The following EPDR1 variants were observed in gnomAD, a reference collection of about 807,000 sequenced individuals.
The protein encoded by EPDR1 is mammalian ependymin-related protein 1.
In EPDR1, 27 loss-of-function variants were observed where a neutral mutation model predicts 23.7. That is an observed-to-expected ratio of 1.14 (90% CI 0.84 to 1.57). The LOEUF (loss-of-function observed/expected upper bound fraction) is 1.57, where lower values mean the gene tolerates loss of function less well. Ranked by LOEUF, EPDR1 falls within the 40% of genes most tolerant of loss-of-function variation. The pLI, the probability that EPDR1 is intolerant of heterozygous loss-of-function variation, is 0.00. For synonymous variants in EPDR1, 137 were observed against 118.2 expected (o/e 1.16, Z -1.03); for missense variants, 349 against 290.4 (o/e 1.20, Z -1.47).
At chr7:37,941,884 G>A (rs1225266164) in intron 1 of EPDR1, among the ~76,000 whole-genome samples, 1 of 152,126 alleles carries the variant, frequency 6.6e-6, no homozygotes, top group Non-Finnish European at 1.5e-5. Flanking sequence ...TTTTAAGGAA[G>A]TATTTAGAAA....
At chr7:37,944,024 TC>T (rs1358919033) in intron 1 of EPDR1, among the ~76,000 whole-genome samples, 2 of 152,162 alleles carry the variant, frequency 1.3e-5, no homozygotes, top group Non-Finnish European at 2.9e-5. Context: ...CCCGGGTCTC[TC>T]CATGGAGCAC....
intron 1 of EPDR1, among the ~76,000 whole-genome samples, chr7:37,924,985 G>A (rs1161521017): frequency 3.3e-5 from 5 of 152,196 alleles, no homozygotes; most frequent in African/African-American, 4.8e-5. Flanking sequence ...ACTGTGGAAT[G>A]ACTAGGATTT....
chr7:37,926,192 A>T (rs1479249382), intron 1 of EPDR1, among the ~76,000 whole-genome samples: 5 of 152,206 alleles, frequency 3.3e-5, no homozygotes, highest in Admixed American at 3.3e-4. Flanking sequence ...ATTATTTTTC[A>T]AATACATAAT....
chr7:37,935,787 G>A (rs1451296728), intron 1 of EPDR1, among the ~76,000 whole-genome samples: 4 of 151,188 alleles, frequency 2.6e-5, no homozygotes, highest in East Asian at 1.9e-4. Context: ...GTAGGGGTGG[G>A]GAGGTGGGAC....
Position 37,920,719 on chromosome 7 carries a change from C to T in EPDR1, c.-221C>T, listed in dbSNP as rs1562854387. The stretch of plus-strand genomic sequence containing the variant: ...GGCCCAGGCAGAAATAGCTCCCGCG[C>T]GATTCACTGGAGCCTTCCCCGGGCC... On this transcript the variant is annotated 5_prime_UTR_variant, in exon 1 of 3. Transcript: ENST00000199448. 2 of 1,607,656 alleles carry T rather than the reference C, an allele frequency of 1.2e-6. No homozygotes were observed. Among genetic ancestry groups the T allele is most frequent in the African/African-American group, 2.7e-5 (2 of 74,670 alleles).
intron 1 of EPDR1, among the ~76,000 whole-genome samples, chr7:37,940,375 G>A (rs1390469373): frequency 6.6e-6 from 1 of 152,114 alleles, no homozygotes; most frequent in Non-Finnish European, 1.5e-5. Flanking sequence ...TTTGAAATAT[G>A]AAAATTTTTA....
At chr7:37,937,885 GTC>G (rs1786086535) in intron 1 of EPDR1, among the ~76,000 whole-genome samples, 1 of 151,370 alleles carries the variant, frequency 6.6e-6, no homozygotes, top group Admixed American at 6.6e-5. Flanking sequence ...GATAATAACA[GTC>G]ATTTAGTCCA....
At chr7:37,921,341 G>C in intron 1 of EPDR1, 133 bp downstream of exon 1, 2 of 1,422,818 alleles carry the variant, frequency 1.4e-6, no homozygotes, top group Non-Finnish European at 1.8e-6. Flanking sequence ...GAGATCTTTC[G>C]CGAGGAGGGT....
At chr7:37,945,940 C>G (rs940295965) in intron 1 of EPDR1, among the ~76,000 whole-genome samples, 1 of 152,072 alleles carries the variant, frequency 6.6e-6, no homozygotes, top group Admixed American at 6.5e-5. Flanking sequence ...TTGTTCTCAT[C>G]ATTCAGCTCC....
At chr7:37,941,993 A>G (rs1786179145) in intron 1 of EPDR1, among the ~76,000 whole-genome samples, 1 of 152,172 alleles carries the variant, frequency 6.6e-6, no homozygotes, top group African/African-American at 2.4e-5. Flanking sequence ...TGCATATTTA[A>G]AATATTTTAT....
At chr7:37,931,552 T>C (rs1299263294) in intron 1 of EPDR1, among the ~76,000 whole-genome samples, 1 of 152,128 alleles carries the variant, frequency 6.6e-6, no homozygotes, top group Non-Finnish European at 1.5e-5. Context: ...AAGAGAAGTC[T>C]GACACCAAAC....
intron 1 of EPDR1, among the ~76,000 whole-genome samples, chr7:37,930,237 A>C (rs1433881929): frequency 1.3e-5 from 2 of 152,218 alleles, no homozygotes; most frequent in Non-Finnish European, 2.9e-5. Context: ...CACCAGAGTC[A>C]CAGCCCCAGC....
At chr7:37,942,585 G>A (rs2132015884) in intron 1 of EPDR1, among the ~76,000 whole-genome samples, 1 of 152,216 alleles carries the variant, frequency 6.6e-6, no homozygotes, top group East Asian at 1.9e-4. Flanking sequence ...TTTGTCACAT[G>A]TATCTTGCCA....
In EPDR1 at chr7:37,921,101, G is replaced by A; in HGVS notation, c.162G>A (p.Met54Ile). ...AGCAGTGGGAGGGGCGCCAGGTTAT[G>A]TACCAGCAAAGTAGCGGGCGCAACA... ...APQQWEGRQV[M>I]YQQSSGRNSR... is the part of the protein sequence containing the mutation. The change falls in exon 1 of 3, where the codon ATG becomes ATA. Residue 54 changes from methionine to isoleucine, a missense_variant. Coordinates refer to ENST00000199448, the MANE Select transcript of EPDR1 (RefSeq NM_017549.5). 6.3e-7 allele frequency: 1 copy of A among 1,592,014 alleles called. No homozygotes were observed. The highest frequency in any genetic ancestry group is 8.5e-7 in the Non-Finnish European group (1 of 1,176,442).
At position 37,921,335 on chromosome 7, in the gene EPDR1, T is replaced by C. The variant is rs1785695895; in HGVS notation, c.269+127T>C. ...CAGCTCCTCCCTTCTCCCAGAGAGA[T>C]CTTTCGCGAGGAGGGTCTCTTGGGG... is the stretch of plus-strand genomic sequence containing the variant. On this transcript the variant is annotated intron_variant, in intron 1 of 2. Transcript: ENST00000199448. 4 of 1,423,212 alleles carry C rather than the reference T, an allele frequency of 2.8e-6. No homozygotes were observed. In the South Asian group the frequency reaches 4.4e-5, roughly 16 times the overall value. 88.2% of individuals were successfully genotyped at this position (1,423,212 alleles called of 1,614,324 possible). A position where few individuals can be genotyped will look rare whatever the true frequency, so the allele number is the denominator to read the frequency against.
chr7:37,946,156 A>G (rs1786270371), intron 1 of EPDR1, among the ~76,000 whole-genome samples: 1 of 152,114 alleles, frequency 6.6e-6, no homozygotes, highest in African/African-American at 2.4e-5. Flanking sequence ...GGTTGATTCC[A>G]CGTCTTTGCT....
intron 1 of EPDR1, among the ~76,000 whole-genome samples, chr7:37,940,844 G>T (rs1004386107): frequency 2.0e-5 from 3 of 151,660 alleles, no homozygotes; most frequent in African/African-American, 7.3e-5. Context: ...AGCATTCAAA[G>T]CAATGTCATC....
chr7:37,945,431 A>T (rs1014697541), intron 1 of EPDR1, among the ~76,000 whole-genome samples: 3 of 152,182 alleles, frequency 2.0e-5, no homozygotes, highest in Admixed American at 6.5e-5. Flanking sequence ...AAAGGTGTAA[A>T]ATGATGTCAT....
rs1318198177 is a variant in EPDR1, at chr7:37,920,694, G to T, written c.-246G>T. The T allele has an allele frequency of 6.4e-7, 1 of 1,557,218 alleles. No homozygotes were observed. Among genetic ancestry groups the T allele is most frequent in the Admixed American group, 1.7e-5 (1 of 58,216 alleles). On this transcript the variant is annotated 5_prime_UTR_variant, in exon 1 of 3. Transcript: ENST00000199448. ...GCAGCAGGCAGTGGCAGCAGGCAGT[G>T]GCCCAGGCAGAAATAGCTCCCGCGC... is the stretch of plus-strand genomic sequence containing the variant.
Sources: gnomAD v4.1 joint callset for allele counts (sites outside exome capture counted in the v4.1 genomes callset) on GRCh38, gnomAD v4.1.1 for gene constraint, MANE v1.5 for transcripts, NCBI Gene and HGNC (gene_info 2026-07-23, HGNC 2026-07-21) for gene names.